The following ELAVL3 variants were observed in gnomAD, a reference collection of about 807,000 sequenced individuals.
ELAVL3 encodes the protein ELAV-like protein 3.
Under a neutral mutation model 34.2 loss-of-function variants are expected in ELAVL3, and 8 were observed. The observed-to-expected ratio is 0.23, with a 90% CI of 0.14 to 0.42. ELAVL3 has a LOEUF of 0.42. ELAVL3 is among the 10% of genes least tolerant of loss of function. ELAVL3 has a pLI of 1.00. For missense variants in ELAVL3, 273 were observed against 518.8 expected (o/e 0.53, Z 4.60); for synonymous variants, 209 against 222.1 (o/e 0.94, Z 0.53).
At position 11,458,645 on chromosome 19, in the gene ELAVL3, C is replaced by A. The variant is rs779145121; in HGVS notation, c.334-34G>T. ...GGGGGTCAGATGGACAGGGGTGAGGCAGAGACCCATTTCACAGATGGAGAG... is the reference window on the plus strand; with the variant it reads ...GGGGGTCAGATGGACAGGGGTGAGGAAGAGACCCATTTCACAGATGGAGAG... On this transcript the variant is annotated intron_variant, in intron 3 of 6. Coordinates refer to ENST00000359227, the MANE Select transcript of ELAVL3 (RefSeq NM_001420.4). This position sits in a 1 kb window ranked among gnomAD's most constrained non-coding sequence, Gnocchi z 7.3. The A allele has an allele frequency of 2.5e-6, 4 of 1,609,812 alleles. No individual in the cohort carries two copies. In the South Asian group the frequency reaches 3.3e-5, roughly 13 times the overall value.
chr19:11,459,489 G>A lies in ELAVL3; in HGVS notation c.334-878C>T, dbSNP rs1970839674. 2.6e-5 allele frequency among the ~76,000 whole-genome samples: 4 copies of A among 151,766 alleles called. No homozygotes were observed. The South Asian group carries it at 8.3e-4, about 32-fold the overall frequency. ...TCATCATGTTGGTCAGGCTGGTCTC[G>A]AGCTCCTGATCTCATGATCCGCCCG... is the stretch of plus-strand genomic sequence containing the variant. On this transcript the variant is annotated intron_variant, in intron 3 of 6. Coordinates refer to ENST00000359227, the MANE Select transcript of ELAVL3 (RefSeq NM_001420.4).
At chr19:11,462,739 A>G (rs1420543375) in intron 3 of ELAVL3, among the ~76,000 whole-genome samples, 1 of 151,708 alleles carries the variant, frequency 6.6e-6, no homozygotes, top group Non-Finnish European at 1.5e-5. Flanking sequence ...GGGGTGGATG[A>G]TCTGAGGTTG....
rs1398506485 is a variant in ELAVL3 at position 11,452,796 on chromosome 19, A to T, written c.*1730T>A. ...GCTGAGTGGGGTGGGGAGCGGTGCG[A>T]GGGCTCCCAGGGGCTCCGGCCTGTG... On this transcript the variant is annotated 3_prime_UTR_variant, in exon 7 of 7. Coordinates refer to ENST00000359227, the MANE Select transcript of ELAVL3 (RefSeq NM_001420.4). 6.6e-6 allele frequency: 1 copy of T among 150,624 alleles called. No homozygotes were observed. The highest frequency in any genetic ancestry group is 1.5e-5 in the Non-Finnish European group (1 of 67,816). The allele number at this position is 150,624 out of a possible 1,614,324, so 9.3% of individuals were successfully genotyped here. A position where few individuals can be genotyped will look rare whatever the true frequency, so the allele number is the denominator to read the frequency against.
intron 1 of ELAVL3, among the ~76,000 whole-genome samples, chr19:11,469,358 C>G (rs868717789): frequency 8.5e-5 from 13 of 152,150 alleles, no homozygotes; most frequent in South Asian, 6.2e-4. Context: ...TTGGCTCCCC[C>G]CAAACTCCGC....
In ELAVL3 at chr19:11,451,474, TTTTTTGTCTTTTG is replaced by T. The variant is rs1970625434; in HGVS notation, c.*3039_*3051del. 2 of 151,200 alleles carry T rather than the reference TTTTTTGTCTTTTG, an allele frequency of 1.3e-5. No individual in the cohort carries two copies. Among genetic ancestry groups the T allele is most frequent in the African/African-American group, 4.8e-5 (2 of 41,326 alleles). The allele number at this position is 151,200 out of a possible 1,614,324, so 9.4% of individuals were successfully genotyped here. ...AGTGTTCTTGTTGGGTTTTTTTTTT[TTTTTTGTCTTTTG>T]TTTTGTCTTTTTTTTTTTTTTTTTT... On this transcript the variant is annotated 3_prime_UTR_variant, in exon 7 of 7. Transcript: ENST00000359227.
rs1353110639 is a variant in ELAVL3, at chr19:11,466,815, C to G, written c.22G>C (p.Ala8Pro). 1 of 1,605,864 alleles carries G rather than the reference C, an allele frequency of 6.2e-7. No homozygotes were observed. Among genetic ancestry groups the G allele is most frequent in the South Asian group, 1.1e-5 (1 of 90,384 alleles). MVTQILG[A>P]MESQVGGGPA... ...CCCCCCCCCACCTGAGACTCCATGG[C>G]CCCCAGTATCTGCTGGAGATAACAG... Residue 8 changes from alanine (A) to proline (P), a missense_variant, in exon 2 of 7, where the codon GCC (alanine) becomes CCC (proline). Ala to Pro is a conservative substitution (Grantham distance 27). Around this residue, in one of 4 missense-constraint regions of ELAVL3, gnomAD observed 40 missense variants for 40.8 expected, o/e 0.98. Coordinates refer to ENST00000359227, the MANE Select transcript of ELAVL3 (RefSeq NM_001420.4). The surrounding 1 kb of genome is among the most constrained non-coding windows in gnomAD (Gnocchi z 5.0).
chr19:11,465,080 CAG>C (rs1478057669), intron 3 of ELAVL3, among the ~76,000 whole-genome samples: 1 of 106,318 alleles, frequency 9.4e-6, no homozygotes, highest in African/African-American at 4.0e-5. Context: ...ACACCCCACA[CAG>C]ACACACACAC....
intron 3 of ELAVL3, among the ~76,000 whole-genome samples, chr19:11,459,115 C>A (rs1418966306): frequency 7.0e-6 from 1 of 143,850 alleles, no homozygotes; most frequent in Non-Finnish European, 1.5e-5. Context: ...GCCTGACCAG[C>A]ATTTTTTTTT....
At position 11,457,118 on chromosome 19, in the gene ELAVL3, G is replaced by A. The variant is rs368259399; in HGVS notation, c.744C>T (p.Gly248=). ...GGCGGGGTCACTGTTACCTCTTGAC[G>A]CCGTAGGCCATGTTGAGCAAATTGT... The part of the protein sequence containing the change: ...RLDNLLNMAY[G]VKSPLSLIAR... The change falls in exon 6 of 7, where the codon GGC becomes GGT. Residue 248 remains glycine (G), a synonymous_variant. Coordinates refer to ENST00000359227, the MANE Select transcript of ELAVL3 (RefSeq NM_001420.4). 11 of 1,538,058 alleles carry A rather than the reference G, an allele frequency of 7.2e-6. No homozygotes were observed. The highest frequency in any genetic ancestry group is 1.4e-5 in the African/African-American group (1 of 69,682).
chr19:11,477,869 T>C (rs571608031), intron 1 of ELAVL3, among the ~76,000 whole-genome samples: 1 of 152,162 alleles, frequency 6.6e-6, no homozygotes, highest in African/African-American at 2.4e-5. Flanking sequence ...TTTATATTTG[T>C]AGTAGAGACG....
At chr19:11,465,462 T>C (rs1971031439) in intron 3 of ELAVL3, among the ~76,000 whole-genome samples, 1 of 152,146 alleles carries the variant, frequency 6.6e-6, no homozygotes. Flanking sequence ...TGGGTCTCGT[T>C]GGCCATGAAG....
In ELAVL3 at chr19:11,466,105, C is replaced by T; in HGVS notation, c.333+67G>A. On this transcript the variant is annotated intron_variant, in intron 3 of 6. Transcript: ENST00000359227. The surrounding 1 kb of genome is among the most constrained non-coding windows in gnomAD (Gnocchi z 5.0). ...TGGATGCATGGGGGCGGGTAGGTGG[C>T]AGTAGGGGGTTGGGGACAGTCAGTT... The T allele has an allele frequency of 7.1e-7, 1 of 1,406,792 alleles. No individual in the cohort carries two copies. Among genetic ancestry groups the T allele is most frequent in the Non-Finnish European group, 9.9e-7 (1 of 1,006,148 alleles). The allele number at this position is 1,406,792 out of a possible 1,614,324, so 87.1% of individuals were successfully genotyped here. A position where few individuals can be genotyped will look rare whatever the true frequency, so the allele number is the denominator to read the frequency against.
rs1970701553 is a variant in ELAVL3, at chr19:11,453,606, C to T, written c.*920G>A. On this transcript the variant is annotated 3_prime_UTR_variant, in exon 7 of 7. Coordinates refer to ENST00000359227, the MANE Select transcript of ELAVL3 (RefSeq NM_001420.4). ...ATGGACGTAGCCCCAGCTTCTGTCTCTTTCTGTCTATCCCTGTCCACGTGT... is the reference window on the plus strand; with the variant it reads ...ATGGACGTAGCCCCAGCTTCTGTCTTTTTCTGTCTATCCCTGTCCACGTGT... The T allele has an allele frequency of 6.5e-6, 1 of 152,904 alleles. No individual in the cohort carries two copies. Among genetic ancestry groups the T allele is most frequent in the Admixed American group, 6.5e-5 (1 of 15,280 alleles). The allele number at this position is 152,904 out of a possible 1,614,324, so 9.5% of individuals were successfully genotyped here.
rs1463169103 is a variant in ELAVL3 at position 11,480,067 on chromosome 19, C to A, written c.9+533G>T. ...CGGGCCCGCGGGGCCTCCGGGCGCG[C>A]CCCCTCCTCTCCCCTCCCCGCTTGC... On this transcript the variant is annotated intron_variant, in intron 1 of 6. Transcript: ENST00000359227. This position sits in a 1 kb window ranked among gnomAD's most constrained non-coding sequence, Gnocchi z 6.8. Among the ~76,000 whole-genome samples the A allele has an allele frequency of 6.6e-6, 1 of 151,672 alleles. No individual in the cohort carries two copies. Among genetic ancestry groups the A allele is most frequent in the African/African-American group, 2.4e-5 (1 of 41,346 alleles).
chr19:11,465,054 CAT>C (rs1971007689), intron 3 of ELAVL3, among the ~76,000 whole-genome samples: 2 of 117,238 alleles, frequency 1.7e-5, no homozygotes, highest in African/African-American at 3.4e-5. Context: ...CACATACACA[CAT>C]ACACACATCC....
At chr19:11,469,050 C>T (rs1971111949) in intron 1 of ELAVL3, among the ~76,000 whole-genome samples, 1 of 152,066 alleles carries the variant, frequency 6.6e-6, no homozygotes, top group Non-Finnish European at 1.5e-5. Context: ...CTCCCCAGTA[C>T]TTGGGGCTAC....
intron 3 of ELAVL3, among the ~76,000 whole-genome samples, chr19:11,459,727 T>C (rs1276908649): frequency 6.6e-6 from 1 of 152,144 alleles, no homozygotes; most frequent in Non-Finnish European, 1.5e-5. Context: ...TTTATTTTAT[T>C]GAAAGACGGA....
chr19:11,472,599 G>T (rs1971185540), intron 1 of ELAVL3, among the ~76,000 whole-genome samples: 1 of 151,610 alleles, frequency 6.6e-6, no homozygotes, highest in African/African-American at 2.4e-5. Flanking sequence ...TACTCAGGAT[G>T]GTGAGACAGG....
rs150606683 is a variant in ELAVL3, at chr19:11,457,875, C to T, written c.713+186G>A. On this transcript the variant is annotated intron_variant, in intron 5 of 6. Transcript: ENST00000359227. ...TTAACACCAAGAATGCCAATCGTCGCGGCCAGCACACATTGAGGGCCTGCT... is the reference window on the plus strand; with the variant it reads ...TTAACACCAAGAATGCCAATCGTCGTGGCCAGCACACATTGAGGGCCTGCT... Among the ~76,000 whole-genome samples the T allele has an allele frequency of 1.1e-3, 175 of 152,364 alleles. 4 individuals are homozygous for T. In the East Asian group the frequency reaches 0.025, roughly 22 times the overall value.
Sources: gnomAD v4.1 joint callset for allele counts (sites outside exome capture counted in the v4.1 genomes callset) on GRCh38, gnomAD v4.1.1 for gene constraint, gnomAD v4.1.1 regional missense constraint, Gnocchi (gnomAD v3.1) non-coding constraint, MANE v1.5 for transcripts, NCBI Gene and HGNC (gene_info 2026-07-23, HGNC 2026-07-21) for gene names.